The following TTL variants were observed in gnomAD, a reference collection of about 807,000 sequenced individuals.
The protein encoded by TTL is tubulin--tyrosine ligase.
A neutral mutation model predicts 41.1 loss-of-function variants in TTL; 10 were observed. The observed-to-expected ratio is 0.24, with a 90% CI of 0.15 to 0.41. The LOEUF (loss-of-function observed/expected upper bound fraction) is 0.41. TTL is among the 10% of genes least tolerant of loss of function. The pLI is 1.00. For missense variants in TTL, 367 were observed against 460.4 expected (o/e 0.80, Z 1.86); for synonymous variants, 175 against 175.5 (o/e 1.00, Z 0.02).
At chr2:112,516,519 C>T (rs2104469801) in intron 5 of TTL, among the ~76,000 whole-genome samples, 1 of 152,186 alleles carries the variant, frequency 6.6e-6, no homozygotes, top group Non-Finnish European at 1.5e-5. Context: ...ACTAAAAATA[C>T]AAAAATTAGC....
In TTL at chr2:112,537,417, C is replaced by T. The variant is rs1242233072; in HGVS notation, c.*8622C>T. On this transcript the variant is annotated 3_prime_UTR_variant, in exon 7 of 7. Coordinates refer to ENST00000233336, the MANE Select transcript of TTL (RefSeq NM_153712.5). ...AATTCTTTGAGAAATCTCCAAACTT[C>T]TTTCCACAGTGGTTCAACCAATTTA... The T allele has an allele frequency of 6.6e-6, 1 of 152,262 alleles. No homozygotes were observed. The highest frequency in any genetic ancestry group is 1.5e-5 in the Non-Finnish European group (1 of 68,064). 9.4% of individuals were successfully genotyped at this position (152,262 alleles called of 1,614,324 possible).
chr2:112,494,912 TCA>T (rs1340683100), intron 3 of TTL, among the ~76,000 whole-genome samples: 1 of 152,246 alleles, frequency 6.6e-6, no homozygotes, highest in African/African-American at 2.4e-5. Context: ...GAGCCTGCTC[TCA>T]ACCAGTTCTC....
At chr2:112,519,733 A>G (rs1682169088) in intron 5 of TTL, among the ~76,000 whole-genome samples, 2 of 152,108 alleles carry the variant, frequency 1.3e-5, no homozygotes, top group South Asian at 4.2e-4. Context: ...TTCTTGAGAC[A>G]TGGGAAAGTG....
At chr2:112,520,199 A>G in intron 5 of TTL, 83 bp from the exon 6 acceptor site, 2 of 1,498,390 alleles carry the variant, frequency 1.3e-6, no homozygotes, top group Admixed American at 1.8e-5. Flanking sequence ...TTCATCTCAT[A>G]TAAAATCTTT....
chr2:112,490,427 A>G (rs1350995421), intron 2 of TTL, among the ~76,000 whole-genome samples: 4 of 152,180 alleles, frequency 2.6e-5, no homozygotes, highest in Admixed American at 6.6e-5. Flanking sequence ...CGGATAAACA[A>G]ACAAACAAAC....
intron 5 of TTL, among the ~76,000 whole-genome samples, chr2:112,512,045 C>G (rs1025963166): frequency 1.3e-5 from 2 of 151,714 alleles, no homozygotes; most frequent in South Asian, 4.2e-4. Flanking sequence ...AAGTAGTTTT[C>G]TGGTAGACAG....
chr2:112,523,621 A>G (rs1020637944), intron 6 of TTL, among the ~76,000 whole-genome samples: 9 of 152,168 alleles, frequency 5.9e-5, no homozygotes, highest in African/African-American at 1.9e-4. Context: ...CTGTAATGCA[A>G]GGTGGCTCTT....
intron 5 of TTL, among the ~76,000 whole-genome samples, chr2:112,512,952 ATTTTTTTTTAGTGCT>A (rs1240609204): frequency 5.8e-5 from 8 of 137,274 alleles, no homozygotes; most frequent in South Asian, 2.2e-4. Flanking sequence ...GTCTTCTTTT[ATTTTTTTTTAGTGCT>A]TTTTTTTTTA....
chr2:112,494,846 T>A (rs903073942), intron 3 of TTL, among the ~76,000 whole-genome samples: 3 of 152,096 alleles, frequency 2.0e-5, no homozygotes, highest in Non-Finnish European at 4.4e-5. Context: ...TCTTGCCGTT[T>A]CCCCTGCTTC....
intron 2 of TTL, among the ~76,000 whole-genome samples, chr2:112,487,216 G>A (rs36096958): frequency 2.5e-4 from 38 of 152,088 alleles, no homozygotes; most frequent in Non-Finnish European, 4.4e-4. Flanking sequence ...GTGCTCACAG[G>A]AACATTTCTG....
intron 6 of TTL, among the ~76,000 whole-genome samples, chr2:112,527,906 A>G (rs1390416444): frequency 6.6e-6 from 1 of 152,146 alleles, no homozygotes; most frequent in Admixed American, 6.5e-5. Flanking sequence ...TCTTCCTAGC[A>G]TCTATGGTCT....
chr2:112,487,829 A>T (rs998201440), intron 2 of TTL, among the ~76,000 whole-genome samples: 9 of 152,170 alleles, frequency 5.9e-5, no homozygotes, highest in African/African-American at 2.2e-4. Context: ...TAATTCCAGG[A>T]TATGATGCTT....
chr2:112,499,425 T>C (rs1377841749), intron 3 of TTL, among the ~76,000 whole-genome samples: 2 of 152,096 alleles, frequency 1.3e-5, no homozygotes, highest in Admixed American at 6.6e-5. Flanking sequence ...GGATAAACTT[T>C]TCAACAAATT....
At chr2:112,516,916 G>T (rs553789940) in intron 5 of TTL, among the ~76,000 whole-genome samples, 85 of 152,226 alleles carry the variant, frequency 5.6e-4, no homozygotes, top group African/African-American at 1.9e-3. Flanking sequence ...GCTGGAAAAA[G>T]AATTCCTATT....
Position 112,539,111 on chromosome 2 carries a change from TAAAAAAAAAAAA to T in TTL, c.*10329_*10340del, listed in dbSNP as rs59249426. On this transcript the variant is annotated 3_prime_UTR_variant, in exon 7 of 7. Coordinates refer to ENST00000233336, the MANE Select transcript of TTL (RefSeq NM_153712.5). ...CAGCCTGGGTGACAGAGACTCTGTC[TAAAAAAAAAAAA>T]AAAAAAAAAAAAGATGGGAACAGCA... The T allele has an allele frequency of 0.016, 1,200 of 75,764 alleles. 12 individuals carry two copies. The highest frequency in any genetic ancestry group is 0.034 in the Middle Eastern group (5 of 146). The allele number at this position is 75,764 out of a possible 1,614,324, so 4.7% of individuals were successfully genotyped here. A position where few individuals can be genotyped will look rare whatever the true frequency, so the allele number is the denominator to read the frequency against.
intron 6 of TTL, chr2:112,521,236 C>G (rs1476293612): frequency 1.0e-6 from 1 of 985,182 alleles, no homozygotes; most frequent in East Asian, 1.1e-4. Flanking sequence ...GGGAGATGCC[C>G]AGAGGAACAG....
At chr2:112,507,525 G>C (rs1681823369) in intron 5 of TTL, among the ~76,000 whole-genome samples, 2 of 102,866 alleles carry the variant, frequency 1.9e-5, no homozygotes, top group Admixed American at 1.0e-4. Flanking sequence ...AAATATTTAG[G>C]ATAGTTAGCT....
intron 6 of TTL, among the ~76,000 whole-genome samples, chr2:112,524,473 T>A (rs1317085436): frequency 6.6e-6 from 1 of 152,208 alleles, no homozygotes; most frequent in Non-Finnish European, 1.5e-5. Context: ...CCTGACTTTT[T>A]AATGATCACC....
In TTL at chr2:112,538,738, A is replaced by G. The variant is rs1682648355; in HGVS notation, c.*9943A>G. The G allele has an allele frequency of 6.6e-6, 1 of 152,148 alleles. No homozygotes were observed. The highest frequency in any genetic ancestry group is 1.5e-5 in the Non-Finnish European group (1 of 68,062). 9.4% of individuals were successfully genotyped at this position (152,148 alleles called of 1,614,324 possible). A position where few individuals can be genotyped will look rare whatever the true frequency, so the allele number is the denominator to read the frequency against. On this transcript the variant is annotated 3_prime_UTR_variant, in exon 7 of 7. Transcript: ENST00000233336. Reference sequence around the variant, plus strand: ...GGTTGCAGTGAGCAGAGATCGCACAACTGCTCTCTGTCCTAGGTGACAGAG... The same window carrying G: ...GGTTGCAGTGAGCAGAGATCGCACAGCTGCTCTCTGTCCTAGGTGACAGAG...
Sources: gnomAD v4.1 joint callset for allele counts (sites outside exome capture counted in the v4.1 genomes callset) on GRCh38, gnomAD v4.1.1 for gene constraint, MANE v1.5 for transcripts, NCBI Gene and HGNC (gene_info 2026-07-23, HGNC 2026-07-21) for gene names.